The following STXBP5L variants were observed in gnomAD, a reference collection of about 807,000 sequenced individuals.
STXBP5L encodes the protein syntaxin-binding protein 5-like.
A neutral mutation model predicts 144.5 loss-of-function variants in STXBP5L; 65 were observed. That is an observed-to-expected ratio of 0.45 (90% CI 0.37 to 0.55). STXBP5L has a LOEUF of 0.55. Among genes scored for constraint, STXBP5L ranks in the 20% least tolerant of loss-of-function variants. The probability of loss-of-function intolerance (pLI) is 0.00; values close to 1 mark genes in which losing one functional copy is unlikely to be tolerated. For missense variants in STXBP5L, 1,298 were observed against 1,405.5 expected, an observed-to-expected ratio of 0.92 and a Z score of 1.22; for synonymous variants, 505 against 469.6, an observed-to-expected ratio of 1.08 and a Z score of -0.97.
intron 3 of STXBP5L, among the ~76,000 whole-genome samples, chr3:120,959,912 A>G (rs927154087): frequency 7.2e-5 from 11 of 152,190 alleles, no homozygotes; most frequent in African/African-American, 2.7e-4. Context: ...AATGGGATCT[A>G]ATTAAACTAA....
At chr3:121,019,975 CAAG>C (rs1284628116) in intron 3 of STXBP5L, among the ~76,000 whole-genome samples, 1 of 152,116 alleles carries the variant, frequency 6.6e-6, no homozygotes, top group Non-Finnish European at 1.5e-5. Flanking sequence ...CTTAGCCAAT[CAAG>C]GAGGCAACAG....
rs572297199 is a variant in STXBP5L at position 121,031,367 on chromosome 3, T to A, written c.288-10333T>A. Among the ~76,000 whole-genome samples the A allele has an allele frequency of 1.3e-4, 19 of 149,332 alleles. No homozygotes were observed. The South Asian group carries it at 2.1e-3, about 17-fold the overall frequency. Reference sequence around the variant, plus strand: ...CCAATAGGATGTATATGTATATATCTATGTATGTGTATATATTTCTATTTC... The same window carrying A: ...CCAATAGGATGTATATGTATATATCAATGTATGTGTATATATTTCTATTTC... On this transcript the variant is annotated intron_variant, in intron 3 of 26. Transcript: ENST00000471454.
At chr3:121,195,344 A>G (rs2047877497) in intron 9 of STXBP5L, among the ~76,000 whole-genome samples, 1 of 152,122 alleles carries the variant, frequency 6.6e-6, no homozygotes, top group Non-Finnish European at 1.5e-5. Flanking sequence ...TTGAATTATG[A>G]GACAAAAATT....
intron 23 of STXBP5L, among the ~76,000 whole-genome samples, chr3:121,408,832 C>T (rs975421971): frequency 6.6e-6 from 1 of 151,748 alleles, no homozygotes; most frequent in Non-Finnish European, 1.5e-5. Context: ...TTATTGAATG[C>T]AAAGCTGATT....
At chr3:121,328,609 G>A (rs746870237) in intron 20 of STXBP5L, among the ~76,000 whole-genome samples, 2 of 152,090 alleles carry the variant, frequency 1.3e-5, no homozygotes, top group East Asian at 3.9e-4. Context: ...ACTTAGCCGG[G>A]CATGGTGGCA....
At chr3:121,000,681 A>C (rs867207274) in intron 3 of STXBP5L, among the ~76,000 whole-genome samples, 4 of 152,192 alleles carry the variant, frequency 2.6e-5, no homozygotes, top group Admixed American at 6.5e-5. Context: ...TGGAGGTAAG[A>C]AGGCACTCCG....
At chr3:121,054,424 G>A (rs1440446239) in intron 5 of STXBP5L, among the ~76,000 whole-genome samples, 1 of 152,078 alleles carries the variant, frequency 6.6e-6, no homozygotes, top group Non-Finnish European at 1.5e-5. Context: ...AAAAGGATGA[G>A]TTCATGTCCT....
chr3:121,234,170 G>A (rs2049395278), intron 12 of STXBP5L, among the ~76,000 whole-genome samples: 2 of 152,040 alleles, frequency 1.3e-5, no homozygotes. Flanking sequence ...TGCTATAATA[G>A]TGGTGCTCTC....
At chr3:120,951,304 C>T (rs189648105) in intron 2 of STXBP5L, among the ~76,000 whole-genome samples, 2,082 of 151,980 alleles carry the variant, frequency 0.014, 28 homozygotes, top group Non-Finnish European at 0.018. Flanking sequence ...TTGACAAATG[C>T]GATCTAATTA....
intron 25 of STXBP5L, 87 bp from the exon 26 acceptor site, chr3:121,418,250 G>A (rs1303948614): frequency 2.9e-6 from 4 of 1,373,176 alleles, no homozygotes; most frequent in Non-Finnish European, 4.0e-6. Flanking sequence ...ACAGTAGAAT[G>A]TAATACTAGT....
chr3:120,939,171 TATA>T (rs1710425240), intron 2 of STXBP5L, among the ~76,000 whole-genome samples: 1 of 152,198 alleles, frequency 6.6e-6, no homozygotes, highest in African/African-American at 2.4e-5. Context: ...AATTAAATGA[TATA>T]ATCCACGTAA....
intron 3 of STXBP5L, among the ~76,000 whole-genome samples, chr3:121,005,115 C>T (rs549253095): frequency 3.9e-5 from 6 of 152,266 alleles, no homozygotes; most frequent in African/African-American, 1.4e-4. Flanking sequence ...GGAATAGTTT[C>T]AGAAGGAATG....
intron 20 of STXBP5L, among the ~76,000 whole-genome samples, chr3:121,359,371 G>A (rs1038612947): frequency 4.6e-5 from 7 of 151,894 alleles, no homozygotes; most frequent in African/African-American, 9.7e-5. Flanking sequence ...TTATCAGAGG[G>A]GTAGTTTGAA....
At chr3:121,041,120 T>A (rs1947121698) in intron 3 of STXBP5L, among the ~76,000 whole-genome samples, 1 of 151,922 alleles carries the variant, frequency 6.6e-6, no homozygotes, top group Non-Finnish European at 1.5e-5. Flanking sequence ...TACTTATATG[T>A]TATGTAGCAT....
chr3:121,025,853 T>G (rs550160718), intron 3 of STXBP5L, among the ~76,000 whole-genome samples: 34 of 147,686 alleles, frequency 2.3e-4, no homozygotes, highest in African/African-American at 8.1e-4. Context: ...TTTTTAAAAG[T>G]ATATCATTAA....
At chr3:121,348,898 C>G (rs896601554) in intron 20 of STXBP5L, among the ~76,000 whole-genome samples, 1 of 152,052 alleles carries the variant, frequency 6.6e-6, no homozygotes, top group South Asian at 2.1e-4. Flanking sequence ...TTGACCTTTT[C>G]AAAAAACCAA....
chr3:121,031,765 A>G (rs1946385032), intron 3 of STXBP5L, among the ~76,000 whole-genome samples: 1 of 152,174 alleles, frequency 6.6e-6, no homozygotes, highest in East Asian at 1.9e-4. Flanking sequence ...GAGACCAGTT[A>G]AGGAGTTGCA....
chr3:120,939,714 C>T (rs538601395), intron 2 of STXBP5L, among the ~76,000 whole-genome samples: 1 of 152,158 alleles, frequency 6.6e-6, no homozygotes, highest in East Asian at 1.9e-4. Flanking sequence ...TAAACATAAC[C>T]CCATTCTTGT....
At chr3:121,058,746 A>C (rs940126019) in intron 5 of STXBP5L, among the ~76,000 whole-genome samples, 11 of 152,090 alleles carry the variant, frequency 7.2e-5, no homozygotes, top group African/African-American at 2.4e-5. Flanking sequence ...GCTGTTTTTC[A>C]TATGTTTGTT....
Sources: gnomAD v4.1 joint callset for allele counts (sites outside exome capture counted in the v4.1 genomes callset) on GRCh38, gnomAD v4.1.1 for gene constraint, MANE v1.5 for transcripts, NCBI Gene and HGNC (gene_info 2026-07-23, HGNC 2026-07-21) for gene names.